SLC43A3: variants seen among roughly 807,000 people sequenced by gnomAD.
SLC43A3 encodes equilibrative nucleobase transporter 1.
Under a neutral mutation model 53.3 loss-of-function variants are expected in SLC43A3, and 33 were observed. The observed-to-expected ratio is 0.62, with a 90% CI of 0.47 to 0.83. SLC43A3 has a LOEUF of 0.83. Ranked by LOEUF, SLC43A3 falls within the 40% of genes least tolerant of loss-of-function variation. The pLI, the probability that SLC43A3 is intolerant of heterozygous loss-of-function variation, is 0.00. For missense variants in SLC43A3, 530 were observed against 610.0 expected, an observed-to-expected ratio of 0.87 and a Z score of 1.38; for synonymous variants, 236 against 246.2, an observed-to-expected ratio of 0.96 and a Z score of 0.39.
At chr11:57,415,672 G>A (rs962601407) in intron 9 of SLC43A3, among the ~76,000 whole-genome samples, 6 of 152,072 alleles carry the variant, frequency 3.9e-5, no homozygotes, top group African/African-American at 1.4e-4. Flanking sequence ...GATTAGGATG[G>A]ACTTAATCTA....
chr11:57,408,189 G>A (rs1366379557), intron 13 of SLC43A3: 8 of 302,204 alleles, frequency 2.6e-5, no homozygotes, highest in Non-Finnish European at 5.0e-5. Context: ...TGGGAAGCTG[G>A]TAGAGGCACC....
At chr11:57,408,853 A>G in intron 13 of SLC43A3, 1 of 297,826 alleles carries the variant, frequency 3.4e-6, no homozygotes, top group Non-Finnish European at 6.4e-6. Context: ...GTGAAAGCAC[A>G]GAGGTCCTGT....
rs763383663 is a variant in SLC43A3, at chr11:57,416,635, T to G, written c.707A>C (p.Lys236Thr). Residue 236 changes from lysine (K) to threonine (T), a missense_variant, in exon 9 of 14, where the codon AAG becomes ACG. Around this residue, in one of 3 missense-constraint regions of SLC43A3, gnomAD observed 376 missense variants for 386.7 expected, o/e 0.97. Coordinates refer to ENST00000395124, the MANE Select transcript of SLC43A3 (RefSeq NM_199329.3). ...CPGNGTTKEE[K>T]ETAEHENREL... Reference sequence around the variant, plus strand: ...CCTGTTTTCATGCTCAGCTGTTTCCTTCTCTTCCTTTGTGGTGCCATTCCC... The same window carrying G: ...CCTGTTTTCATGCTCAGCTGTTTCCGTCTCTTCCTTTGTGGTGCCATTCCC... The G allele has an allele frequency of 4.2e-5, 67 of 1,614,036 alleles. No individual in the cohort carries two copies. Among genetic ancestry groups the G allele is most frequent in the Admixed American group, 1.8e-4 (11 of 60,002 alleles).
At chr11:57,427,240 C>G (rs541617426), upstream of SLC43A3, 1 of 152,868 alleles carries the variant, frequency 6.5e-6, no homozygotes, top group African/African-American at 2.4e-5. Flanking sequence ...TTGCTCACAG[C>G]CTCCCGCGCC....
rs1942476491 is a variant in SLC43A3 at position 57,411,568 on chromosome 11, A to C, written c.1061-1447T>G. On this transcript the variant is annotated intron_variant, in intron 11 of 13. Transcript: ENST00000395124. ...TAGTCCAAGCTACTTGGGAGGCTGA[A>C]GGGAGAGGATCACTTGAGCCCAGGA... 2.0e-5 allele frequency among the ~76,000 whole-genome samples: 3 copies of C among 151,728 alleles called. No individual in the cohort carries two copies. The South Asian group carries it at 6.2e-4, about 32-fold the overall frequency.
chr11:57,414,893 G>A, intron 10 of SLC43A3, 40 bp downstream of exon 10: 1 of 1,607,642 alleles, frequency 6.2e-7, no homozygotes, highest in Admixed American at 1.7e-5. Context: ...GTTCCCAGCT[G>A]GGACATGCAG....
intron 9 of SLC43A3, chr11:57,415,386 T>C (rs1281111119): frequency 3.5e-6 from 5 of 1,426,220 alleles, no homozygotes; most frequent in South Asian, 1.2e-5. Context: ...CTTGCAGTAA[T>C]ACCTTCCTGA....
At chr11:57,418,805 G>T (rs549339655) in intron 7 of SLC43A3, among the ~76,000 whole-genome samples, 1 of 151,852 alleles carries the variant, frequency 6.6e-6, no homozygotes, top group South Asian at 2.1e-4. Flanking sequence ...CAGGAGAATC[G>T]CTTGAACCCG....
intron 4 of SLC43A3, 151 bp downstream of exon 4, chr11:57,425,390 G>T (rs1943167170): frequency 2.7e-6 from 2 of 728,872 alleles, no homozygotes; most frequent in Non-Finnish European, 2.3e-6. Flanking sequence ...CGCTGCCTGG[G>T]GCTGTTCCTA....
chr11:57,411,170 A>G (rs1420150615), intron 11 of SLC43A3, among the ~76,000 whole-genome samples: 1 of 152,234 alleles, frequency 6.6e-6, no homozygotes, highest in Non-Finnish European at 1.5e-5. Context: ...TTCTTTGAAT[A>G]TATCTTGTTT....
chr11:57,422,031 C>A (rs1943011196), intron 5 of SLC43A3, among the ~76,000 whole-genome samples: 1 of 152,190 alleles, frequency 6.6e-6, no homozygotes, highest in South Asian at 2.1e-4. Flanking sequence ...GAGACCACAG[C>A]AAAAAAGCTC....
At chr11:57,417,937 C>A (rs375610915) in intron 7 of SLC43A3, 50 bp from the exon 8 acceptor site, 2 of 1,578,186 alleles carry the variant, frequency 1.3e-6, no homozygotes, top group African/African-American at 2.7e-5. Context: ...TTCATAGCAG[C>A]ACTATTCACA....
intron 7 of SLC43A3, among the ~76,000 whole-genome samples, chr11:57,418,436 G>T (rs2135029056): frequency 6.6e-6 from 1 of 152,268 alleles, no homozygotes; most frequent in Non-Finnish European, 1.5e-5. Flanking sequence ...GTTCCTGCCT[G>T]TAATTCTAGT....
chr11:57,407,926 C>G (rs1214411451), intron 13 of SLC43A3, 30 bp from the exon 14 acceptor site: 1 of 1,463,562 alleles, frequency 6.8e-7, no homozygotes, highest in African/African-American at 1.4e-5. Context: ...GAGGTGAAAT[C>G]CAGGAATTCT....
rs745691568 is a variant in SLC43A3 at position 57,421,336 on chromosome 11, G to A, written c.399C>T (p.Leu133=). ...TGAGAAACAGGATTCCCCCAATGGT[G>A]AGCATTGGCATGGCCAGGAAGAGCA... The part of the protein sequence containing the change: ...AVLLFLAMPM[L]TIGGILFLIT... Residue 133 remains leucine, a synonymous_variant, in exon 6 of 14, where the codon CTC becomes CTT. Coordinates refer to ENST00000395124, the MANE Select transcript of SLC43A3 (RefSeq NM_199329.3). The A allele has an allele frequency of 2.7e-5, 44 of 1,613,774 alleles. No homozygotes were observed. Among genetic ancestry groups the A allele is most frequent in the East Asian group, 6.7e-5 (3 of 44,898 alleles).
At chr11:57,421,250 C>T in intron 6 of SLC43A3, 47 bp downstream of exon 6, 1 of 1,534,192 alleles carries the variant, frequency 6.5e-7, no homozygotes, top group Non-Finnish European at 9.0e-7. Flanking sequence ...CTTCCCTCCA[C>T]CTTCCCGCCA....
At position 57,425,574 on chromosome 11, in the gene SLC43A3, C is replaced by T. The variant is rs375844954; in HGVS notation, c.281G>A (p.Arg94Gln). The change falls in exon 4 of 14, where the codon CGG becomes CAG. Residue 94 changes from arginine to glutamine, a missense_variant. Arg to Gln is a conservative substitution (Grantham distance 43). Coordinates refer to ENST00000395124, the MANE Select transcript of SLC43A3 (RefSeq NM_199329.3). ...GAGGCGTGCCACGGTGGTCTTGAAC[C>T]GGTCAAAGATGTAGCCAGTGGGGAA... ...MTFPTGYIFDRFKTTVARLIA... is the reference protein window; with the variant it reads ...MTFPTGYIFDQFKTTVARLIA... 4.3e-5 allele frequency: 70 copies of T among 1,613,892 alleles called. No homozygotes were observed. Among genetic ancestry groups the T allele is most frequent in the Non-Finnish European group, 5.8e-5 (69 of 1,180,010 alleles).
chr11:57,425,833 C>A (rs1047480092), intron 3 of SLC43A3, 156 bp downstream of exon 3: 15 of 1,351,154 alleles, frequency 1.1e-5, no homozygotes, highest in Non-Finnish European at 1.5e-5. Context: ...CTGGTGCCTC[C>A]CTCCCAGGCA....
rs746041439 is a variant in SLC43A3 at position 57,414,983 on chromosome 11, C to T, written c.893G>A (p.Gly298Asp). The T allele has an allele frequency of 1.9e-6, 3 of 1,613,862 alleles. No homozygotes were observed. The South Asian group carries it at 3.3e-5, about 18-fold the overall frequency. The part of the protein sequence containing the change: ...VIQLWHYLFI[G>D]TLNSLLTNMA... ...GTTGGTCAGCAAGGAGTTGAGAGTG[C>T]CAATGAAGAGGTAGTGCCACAACTG... Residue 298 changes from glycine to aspartate, a missense_variant, in exon 10 of 14, where the codon GGC (glycine) becomes GAC (aspartate). By Grantham distance (94) the Gly-to-Asp change is moderately conservative (BLOSUM62 -1). Coordinates refer to ENST00000395124, the MANE Select transcript of SLC43A3 (RefSeq NM_199329.3).
Sources: gnomAD v4.1 joint callset for allele counts (sites outside exome capture counted in the v4.1 genomes callset) on GRCh38, gnomAD v4.1.1 for gene constraint, gnomAD v4.1.1 regional missense constraint, MANE v1.5 for transcripts, NCBI Gene and HGNC (gene_info 2026-07-23, HGNC 2026-07-21) for gene names.